The following SEMA3A variants were observed in gnomAD, a reference collection of about 807,000 sequenced individuals.
SEMA3A encodes the protein semaphorin-3A.
In SEMA3A, 29 loss-of-function variants were observed where a neutral mutation model predicts 97.9. The observed-to-expected ratio is 0.30, with a 90% CI of 0.22 to 0.40. SEMA3A has a LOEUF of 0.40. Among genes scored for constraint, SEMA3A ranks in the 10% least tolerant of loss-of-function variants. The probability of loss-of-function intolerance (pLI) is 1.00; values close to 1 mark genes in which losing one functional copy is unlikely to be tolerated. For synonymous variants in SEMA3A, 321 were observed against 323.7 expected (o/e 0.99, Z 0.09); for missense variants, 763 against 951.3 (o/e 0.80, Z 2.60).
intron 1 of SEMA3A, among the ~76,000 whole-genome samples, chr7:84,463,078 AACC>A (rs1205287420): frequency 6.6e-6 from 1 of 152,074 alleles, no homozygotes; most frequent in Non-Finnish European, 1.5e-5. Flanking sequence ...TCTTTTGAAT[AACC>A]ACCAAAGTAC....
chr7:84,129,931 T>A (rs2116022736), intron 2 of SEMA3A, among the ~76,000 whole-genome samples: 1 of 152,198 alleles, frequency 6.6e-6, no homozygotes, highest in African/African-American at 2.4e-5. Context: ...ATTGTGTGAA[T>A]ACAGTGACAG....
intron 3 of SEMA3A, among the ~76,000 whole-genome samples, chr7:84,259,579 T>A (rs1799796573): frequency 6.6e-6 from 1 of 152,062 alleles, no homozygotes; most frequent in Admixed American, 6.6e-5. Flanking sequence ...TATTATGTAA[T>A]TTTCCTGCAA....
At chr7:84,114,616 T>C in intron 3 of SEMA3A, among the ~76,000 whole-genome samples, 1 of 152,154 alleles carries the variant, frequency 6.6e-6, no homozygotes, top group East Asian at 1.9e-4. Context: ...AGTTAATCTG[T>C]TGACTTTCTT....
chr7:84,327,371 GA>G (rs1475978785), intron 2 of SEMA3A, among the ~76,000 whole-genome samples: 1 of 151,644 alleles, frequency 6.6e-6, no homozygotes, highest in Admixed American at 6.6e-5. Flanking sequence ...GGGAAAGGGT[GA>G]AAAAAATGCT....
chr7:84,191,950 TTTAC>T (rs2116270757), intron 1 of SEMA3A, among the ~76,000 whole-genome samples: 1 of 152,016 alleles, frequency 6.6e-6, no homozygotes, highest in South Asian at 2.1e-4. Flanking sequence ...CTTTCCTGTT[TTTAC>T]TTCTTTTTAA....
intron 2 of SEMA3A, among the ~76,000 whole-genome samples, chr7:84,311,475 G>A (rs1048612701): frequency 6.6e-6 from 1 of 151,788 alleles, no homozygotes; most frequent in African/African-American, 2.4e-5. Context: ...TATAATGAAT[G>A]CTTAGCAAAT....
intron 1 of SEMA3A, among the ~76,000 whole-genome samples, chr7:84,191,153 C>A (rs985697801): frequency 1.3e-4 from 20 of 149,686 alleles, no homozygotes; most frequent in African/African-American, 4.9e-4. Flanking sequence ...AAATGATCTT[C>A]TCTTGTCACA....
intron 1 of SEMA3A, among the ~76,000 whole-genome samples, chr7:84,186,229 T>C (rs1289080731): frequency 6.6e-6 from 1 of 152,158 alleles, no homozygotes; most frequent in Non-Finnish European, 1.5e-5. Flanking sequence ...CTAAAATCTT[T>C]AGGTAGATGT....
At chr7:84,119,097 G>A (rs1795521934) in intron 3 of SEMA3A, among the ~76,000 whole-genome samples, 2 of 152,004 alleles carry the variant, frequency 1.3e-5, no homozygotes, top group Admixed American at 1.3e-4. Context: ...AATGATTTCT[G>A]CTTTTTAAGT....
chr7:84,198,495 C>A (rs1251851631), upstream of SEMA3A, among the ~76,000 whole-genome samples: 1 of 152,168 alleles, frequency 6.6e-6, no homozygotes, highest in Admixed American at 6.5e-5. Context: ...AGCCACTGTG[C>A]CCGGCCTTAT....
At chr7:84,451,894 T>C (rs1805565528) in intron 1 of SEMA3A, among the ~76,000 whole-genome samples, 1 of 152,208 alleles carries the variant, frequency 6.6e-6, no homozygotes, top group Non-Finnish European at 1.5e-5. Context: ...AACTCTGTAG[T>C]CTACATAACC....
At chr7:83,965,153 A>ATGGCT (rs1187420317) in intron 15 of SEMA3A, among the ~76,000 whole-genome samples, 1 of 149,898 alleles carries the variant, frequency 6.7e-6, no homozygotes, top group East Asian at 2.0e-4. Flanking sequence ...TTTAGCCAGC[A>ATGGCT]TGGTCCCGAT....
Position 84,262,307 on chromosome 7 carries a change from C to T in SEMA3A, c.-83+44900G>A, listed in dbSNP as rs375329360. Among the ~76,000 whole-genome samples, 10 of 152,100 alleles carry T rather than the reference C, an allele frequency of 6.6e-5. No homozygotes were observed. The East Asian group carries it at 9.7e-4, about 15-fold the overall frequency. ...CTGGCTCATTGTAACCTCCACCTCCCAGGTTCAAGCGATTCTCCTGCATCA... is the reference window on the plus strand; with the variant it reads ...CTGGCTCATTGTAACCTCCACCTCCTAGGTTCAAGCGATTCTCCTGCATCA... On this transcript the variant is annotated intron_variant, in intron 3 of 3. Coordinates refer to the SEMA3A transcript ENST00000424555.
At chr7:84,155,626 AT>A (rs1796824324) in intron 1 of SEMA3A, among the ~76,000 whole-genome samples, 1 of 152,096 alleles carries the variant, frequency 6.6e-6, no homozygotes, top group Non-Finnish European at 1.5e-5. Context: ...CATTATCTTA[AT>A]CTAATCATGT....
At chr7:84,462,273 C>T (rs1284770639) in intron 1 of SEMA3A, among the ~76,000 whole-genome samples, 1 of 152,060 alleles carries the variant, frequency 6.6e-6, no homozygotes, top group Admixed American at 6.6e-5. Context: ...GCAAATATTA[C>T]ATTTTCAGGA....
At chr7:84,087,467 A>G (rs571553893) in intron 4 of SEMA3A, among the ~76,000 whole-genome samples, 3 of 152,320 alleles carry the variant, frequency 2.0e-5, no homozygotes, top group East Asian at 3.9e-4. Flanking sequence ...CAGATCCACC[A>G]TTAGTCCTCT....
At chr7:84,488,628 A>G (rs1463609595) in intron 1 of SEMA3A, among the ~76,000 whole-genome samples, 2 of 152,150 alleles carry the variant, frequency 1.3e-5, no homozygotes, top group African/African-American at 4.8e-5. Context: ...GAGTCCCACT[A>G]TTAACAGGTG....
intron 2 of SEMA3A, among the ~76,000 whole-genome samples, chr7:84,370,440 T>C (rs764924563): frequency 3.3e-5 from 5 of 151,796 alleles, no homozygotes; most frequent in Admixed American, 1.3e-4. Context: ...CCTCTTAAGA[T>C]AAAATATAAA....
At chr7:83,998,362 G>A (rs189235252) in intron 12 of SEMA3A, among the ~76,000 whole-genome samples, 70 of 152,162 alleles carry the variant, frequency 4.6e-4, no homozygotes, top group South Asian at 3.3e-3. Flanking sequence ...GTATCTAAAC[G>A]TATCTAAACA....
Sources: allele counts gnomAD v4.1 joint callset (sites outside exome capture counted in the v4.1 genomes callset), GRCh38; gene constraint gnomAD v4.1.1; transcripts MANE v1.5; gene names NCBI Gene and HGNC (gene_info 2026-07-23, HGNC 2026-07-21).